EYS: variants seen among roughly 807,000 people sequenced by gnomAD.
The protein encoded by EYS is EGF-like photoreceptor maintenance factor, also known as protein eyes shut homolog.
Under a neutral mutation model 282.1 loss-of-function variants are expected in EYS, and 250 were observed. The observed-to-expected ratio is 0.89, with a 90% CI of 0.80 to 0.98. The LOEUF (loss-of-function observed/expected upper bound fraction) is 0.98. Among genes scored for constraint, EYS ranks in the 50% least tolerant of loss-of-function variants. EYS has a pLI of 0.00. For missense variants in EYS, 4,016 were observed against 3,709.0 expected (o/e 1.08, Z -2.15); for synonymous variants, 1,355 against 1,282.9 (o/e 1.06, Z -1.20).
intron 5 of EYS, among the ~76,000 whole-genome samples, chr6:65,452,089 AAT>A (rs1764421170): frequency 6.6e-6 from 1 of 151,736 alleles, no homozygotes; most frequent in South Asian, 2.1e-4. Context: ...TAAATTAGTT[AAT>A]ATATGTCATA....
At chr6:63,810,260 CAA>C (rs368701336) in intron 36 of EYS, among the ~76,000 whole-genome samples, 8 of 53,760 alleles carry the variant, frequency 1.5e-4, no homozygotes, top group South Asian at 6.1e-4. Flanking sequence ...GATTCCATCT[CAA>C]AAAAAAAAAA....
At chr6:64,943,421 T>C (rs1562269017) in intron 15 of EYS, among the ~76,000 whole-genome samples, 1 of 152,070 alleles carries the variant, frequency 6.6e-6, no homozygotes, top group Admixed American at 6.6e-5. Flanking sequence ...TCCTTACTGG[T>C]GATATGATTC....
intron 5 of EYS, among the ~76,000 whole-genome samples, chr6:65,434,274 A>AAACAAC (rs139824311): frequency 1.3e-5 from 2 of 151,852 alleles, no homozygotes; most frequent in Admixed American, 6.6e-5. Flanking sequence ...GGCAATATTA[A>AAACAAC]AACAACAACA....
rs1167057184 is a variant in EYS at position 64,560,573 on chromosome 6, G to T, written c.5644+29650C>A. 3.9e-5 allele frequency among the ~76,000 whole-genome samples: 6 copies of T among 151,982 alleles called. 1 individual carries two copies. In the South Asian group the frequency reaches 8.3e-4, roughly 21 times the overall value. On this transcript the variant is annotated intron_variant, in intron 26 of 42. Transcript: ENST00000503581. ...ATATAGAAAACCATCTCACTATTAT[G>T]CCTAATTCATCAGACTTCAAAAACA... is the stretch of plus-strand genomic sequence containing the variant.
chr6:63,943,499 A>G (rs1765302994), intron 35 of EYS, among the ~76,000 whole-genome samples: 1 of 152,232 alleles, frequency 6.6e-6, no homozygotes, highest in Admixed American at 6.5e-5. Flanking sequence ...ATGTGTATAA[A>G]CCTAAACATT....
chr6:64,647,360 A>G (rs1240242584), intron 22 of EYS, among the ~76,000 whole-genome samples: 1 of 152,196 alleles, frequency 6.6e-6, no homozygotes, highest in Non-Finnish European at 1.5e-5. Flanking sequence ...ACATATTGAG[A>G]GAGACAGAGC....
In EYS at chr6:64,183,133, C is replaced by A. The variant is rs138961238; in HGVS notation, c.6424+47459G>T. ...GGGGCTTCCCTCTTCTCTGGGCATT[C>A]ATTCTTCTCCCTCCTGCCACGATGT... On this transcript the variant is annotated intron_variant, in intron 31 of 42. Coordinates refer to ENST00000503581, the MANE Select transcript of EYS (RefSeq NM_001142800.2). 2.7e-3 allele frequency among the ~76,000 whole-genome samples: 407 copies of A among 152,264 alleles called. 7 individuals are homozygous for A. The highest frequency in any genetic ancestry group is 0.023 in the Admixed American group (351 of 15,282).
At chr6:65,466,435 T>C (rs1765003052) in intron 5 of EYS, among the ~76,000 whole-genome samples, 1 of 152,012 alleles carries the variant, frequency 6.6e-6, no homozygotes, top group South Asian at 2.1e-4. Flanking sequence ...TTCAGGATAG[T>C]TACAAATAAA....
intron 7 of EYS, among the ~76,000 whole-genome samples, chr6:65,390,986 A>G (rs1449752523): frequency 1.3e-5 from 2 of 152,174 alleles, no homozygotes; most frequent in Admixed American, 1.3e-4. Flanking sequence ...AATACTGGAT[A>G]TTAACAAATA....
intron 2 of EYS, among the ~76,000 whole-genome samples, chr6:65,518,197 C>T (rs1767214337): frequency 6.6e-6 from 1 of 152,094 alleles, no homozygotes; most frequent in African/African-American, 2.4e-5. Flanking sequence ...GTTATCAGTG[C>T]CTGAGTCCTT....
At chr6:64,818,119 A>C (rs1420118498) in intron 21 of EYS, among the ~76,000 whole-genome samples, 3 of 152,146 alleles carry the variant, frequency 2.0e-5, no homozygotes, top group African/African-American at 7.2e-5. Context: ...CTTCCATGTA[A>C]ATATACATGG....
At chr6:63,791,600 GA>G (rs1770515691) in intron 37 of EYS, among the ~76,000 whole-genome samples, 1 of 149,056 alleles carries the variant, frequency 6.7e-6, no homozygotes, top group Non-Finnish European at 1.5e-5. Context: ...AAAAAAAGAA[GA>G]AGAACTGCTG....
chr6:65,330,907 C>T (rs1214683043), intron 11 of EYS: 2 of 978,604 alleles, frequency 2.0e-6, no homozygotes, highest in African/African-American at 1.8e-5. Flanking sequence ...GCCATTTCCT[C>T]AATACCATTT....
rs1771988273 is a variant in EYS, at chr6:64,081,966, G to C, written c.6461C>G (p.Ser2154Cys). Residue 2154 changes from serine (S) to cysteine (C), a missense_variant, in exon 32 of 43, where the codon TCC becomes TGC. By Grantham distance (112) the Ser-to-Cys change is moderately radical. Transcript: ENST00000503581. Reference protein sequence around the residue: ...GLFFPSFNGNSYLELPFLKFV... With the variant: ...GLFFPSFNGNCYLELPFLKFV... ...CTTCAAAAAGGGCAGTTCTAAATAGGAATTCCCATTGAAAGATGGAAAGAA... is the reference window on the plus strand; with the variant it reads ...CTTCAAAAAGGGCAGTTCTAAATAGCAATTCCCATTGAAAGATGGAAAGAA... The C allele has an allele frequency of 1.9e-6, 3 of 1,544,006 alleles. No individual in the cohort carries two copies. The highest frequency in any genetic ancestry group is 2.6e-6 in the Non-Finnish European group (3 of 1,140,812).
chr6:64,368,682 T>C (rs2150412336), intron 29 of EYS, among the ~76,000 whole-genome samples: 1 of 152,296 alleles, frequency 6.6e-6, no homozygotes, highest in East Asian at 1.9e-4. Context: ...ATTTTTCATA[T>C]GTTTGTTGCC....
chr6:63,997,108 C>T (rs954155096), intron 34 of EYS, among the ~76,000 whole-genome samples: 3 of 152,096 alleles, frequency 2.0e-5, no homozygotes, highest in African/African-American at 7.2e-5. Flanking sequence ...TGCCAAAGTC[C>T]GTGACTCTTA....
intron 12 of EYS, among the ~76,000 whole-genome samples, chr6:65,116,492 C>A (rs982178486): frequency 6.6e-6 from 1 of 151,844 alleles, no homozygotes; most frequent in Non-Finnish European, 1.5e-5. Flanking sequence ...CTGTGGGAAG[C>A]CTGTACAGAA....
chr6:64,916,988 C>T (rs1487090701), intron 15 of EYS, among the ~76,000 whole-genome samples: 3 of 152,182 alleles, frequency 2.0e-5, no homozygotes, highest in African/African-American at 7.2e-5. Flanking sequence ...CGTTGGCTCA[C>T]GCCTGTAATC....
At chr6:65,257,780 T>C (rs1355825067) in intron 12 of EYS, among the ~76,000 whole-genome samples, 1 of 151,976 alleles carries the variant, frequency 6.6e-6, no homozygotes, top group African/African-American at 2.4e-5. Context: ...ACTTACTGTA[T>C]GAGGTAAAAA....
Sources: gnomAD v4.1 joint callset for allele counts (sites outside exome capture counted in the v4.1 genomes callset) on GRCh38, gnomAD v4.1.1 for gene constraint, MANE v1.5 for transcripts, NCBI Gene and HGNC (gene_info 2026-07-23, HGNC 2026-07-21) for gene names.